Variants in SGCZ observed in about 807,000 individuals in gnomAD.
SGCZ encodes the protein sarcoglycan zeta.
A neutral mutation model predicts 41.3 loss-of-function variants in SGCZ; 40 were observed. That is an observed-to-expected ratio of 0.97 (90% CI 0.75 to 1.26). The LOEUF (loss-of-function observed/expected upper bound fraction) is 1.26, where lower values mean the gene tolerates loss of function less well. Among genes scored for constraint, SGCZ ranks in the 50% most tolerant of loss-of-function variants. The pLI, the probability that SGCZ is intolerant of heterozygous loss-of-function variation, is 0.00. For missense variants in SGCZ, 552 were observed against 369.8 expected (o/e 1.49, Z -4.04); for synonymous variants, 206 against 137.5 (o/e 1.50, Z -3.49).
At chr8:14,353,554 G>C (rs1055801384) in intron 2 of SGCZ, among the ~76,000 whole-genome samples, 2 of 152,022 alleles carry the variant, frequency 1.3e-5, no homozygotes, top group African/African-American at 4.8e-5. Context: ...CGAATGGATA[G>C]GTACTAATGT....
At chr8:14,126,757 GGGTAAAGAAAATGTGGT>G (rs1395290530) in intron 5 of SGCZ, among the ~76,000 whole-genome samples, 4 of 152,206 alleles carry the variant, frequency 2.6e-5, no homozygotes, top group African/African-American at 9.7e-5. Context: ...GTCATCAACT[GGGTAAAGAAAATGTGGT>G]GCATATACAC....
intron 2 of SGCZ, among the ~76,000 whole-genome samples, chr8:14,388,304 T>C (rs1219744813): frequency 2.0e-5 from 3 of 152,012 alleles, no homozygotes; most frequent in Non-Finnish European, 4.4e-5. Flanking sequence ...AATGAAGATA[T>C]AGGTGCTGAG....
At chr8:14,168,300 A>G (rs959641520) in intron 4 of SGCZ, among the ~76,000 whole-genome samples, 2 of 152,138 alleles carry the variant, frequency 1.3e-5, no homozygotes, top group African/African-American at 4.8e-5. Flanking sequence ...GTTTAAAACA[A>G]AACAAAATAA....
chr8:14,568,639 G>A (rs560466718), intron 1 of SGCZ, among the ~76,000 whole-genome samples: 1 of 152,172 alleles, frequency 6.6e-6, no homozygotes, highest in African/African-American at 2.4e-5. Flanking sequence ...CTCTGTAAAT[G>A]ACAAAAGATA....
intron 2 of SGCZ, among the ~76,000 whole-genome samples, chr8:14,460,121 T>C (rs1298585677): frequency 6.6e-6 from 1 of 152,192 alleles, no homozygotes; most frequent in African/African-American, 2.4e-5. Context: ...ACTGCTACCA[T>C]TAGGAGCAGC....
At chr8:15,215,125 AC>A (rs1801358189) in intron 1 of SGCZ, among the ~76,000 whole-genome samples, 1 of 152,240 alleles carries the variant, frequency 6.6e-6, no homozygotes, top group African/African-American at 2.4e-5. Flanking sequence ...GTAAAACAGT[AC>A]AAGAAATTAG....
intron 2 of SGCZ, among the ~76,000 whole-genome samples, chr8:14,488,091 C>T (rs938268696): frequency 2.4e-5 from 2 of 82,974 alleles, no homozygotes; most frequent in African/African-American, 9.2e-5. Context: ...GGTGGCTTCT[C>T]CAGAAAAGTA....
intron 1 of SGCZ, among the ~76,000 whole-genome samples, chr8:14,572,731 C>T (rs1025954626): frequency 6.6e-6 from 1 of 152,122 alleles, no homozygotes; most frequent in Non-Finnish European, 1.5e-5. Flanking sequence ...TAAAGTATCA[C>T]CAACTCTCTT....
chr8:14,311,218 A>C (rs1801530840), intron 3 of SGCZ, among the ~76,000 whole-genome samples: 1 of 152,114 alleles, frequency 6.6e-6, no homozygotes, highest in Admixed American at 6.6e-5. Context: ...TTTCATTTTA[A>C]AATATTGTCA....
At chr8:14,364,251 A>G (rs1803624031) in intron 2 of SGCZ, among the ~76,000 whole-genome samples, 1 of 152,100 alleles carries the variant, frequency 6.6e-6, no homozygotes, top group South Asian at 2.1e-4. Flanking sequence ...AAAAATCTCT[A>G]CCTTATTTTA....
In SGCZ at chr8:15,048,536, A is replaced by G. The variant is rs184930532; in HGVS notation, c.39+189049T>C. ...CATGTTTGAGGAAATGGAAATTCCA[A>G]TTATCCTGACTTGATCATTACACAT... is the stretch of plus-strand genomic sequence containing the variant. On this transcript the variant is annotated intron_variant, in intron 1 of 7. Coordinates refer to ENST00000382080, the MANE Select transcript of SGCZ (RefSeq NM_139167.4). Among the ~76,000 whole-genome samples, 8 of 152,220 alleles carry G rather than the reference A, an allele frequency of 5.3e-5. No individual in the cohort carries two copies. In the East Asian group the frequency reaches 5.8e-4, roughly 11 times the overall value.
At chr8:15,170,654 T>G (rs1799800711) in intron 1 of SGCZ, among the ~76,000 whole-genome samples, 1 of 152,220 alleles carries the variant, frequency 6.6e-6, no homozygotes, top group Non-Finnish European at 1.5e-5. Flanking sequence ...AAACTTTCTA[T>G]GCACGCTCTT....
chr8:14,821,923 T>TCC (rs1418800906), intron 1 of SGCZ, among the ~76,000 whole-genome samples: 1 of 152,114 alleles, frequency 6.6e-6, no homozygotes. Context: ...TGCTAACTTT[T>TCC]CACCACTTCT....
intron 3 of SGCZ, among the ~76,000 whole-genome samples, chr8:14,261,994 C>A (rs966363648): frequency 1.3e-5 from 2 of 152,132 alleles, no homozygotes; most frequent in Non-Finnish European, 2.9e-5. Context: ...ATTTGACCAA[C>A]TCCTACTCTA....
At chr8:14,792,552 T>A (rs555035553) in intron 1 of SGCZ, among the ~76,000 whole-genome samples, 1 of 152,180 alleles carries the variant, frequency 6.6e-6, no homozygotes, top group African/African-American at 2.4e-5. Context: ...TTTAGCATCT[T>A]TCTTTTTTTA....
chr8:14,188,832 TTGTTTGTTTG>T (rs1563175058), intron 4 of SGCZ, among the ~76,000 whole-genome samples: 2 of 37,510 alleles, frequency 5.3e-5, no homozygotes, highest in Non-Finnish European at 1.1e-4. Context: ...TTGTTTTTTT[TTGTTTGTTTG>T]TTTTTTGAGA....
chr8:14,218,517 A>T (rs1423074731), intron 4 of SGCZ, among the ~76,000 whole-genome samples: 4 of 152,236 alleles, frequency 2.6e-5, no homozygotes, highest in Admixed American at 2.6e-4. Flanking sequence ...GCTTAATATC[A>T]GGTTGATGCA....
At chr8:15,231,344 T>C (rs1801931907) in intron 1 of SGCZ, among the ~76,000 whole-genome samples, 1 of 152,172 alleles carries the variant, frequency 6.6e-6, no homozygotes, top group Non-Finnish European at 1.5e-5. Flanking sequence ...TTGTGGCTTA[T>C]CATATTTTTC....
At chr8:14,400,557 A>G (rs1799042240) in intron 2 of SGCZ, among the ~76,000 whole-genome samples, 1 of 152,168 alleles carries the variant, frequency 6.6e-6, no homozygotes, top group Admixed American at 6.6e-5. Flanking sequence ...AAGATTATCT[A>G]TAATGAGATA....
Sources: allele counts gnomAD v4.1 joint callset (sites outside exome capture counted in the v4.1 genomes callset), GRCh38; gene constraint gnomAD v4.1.1; transcripts MANE v1.5; gene names NCBI Gene and HGNC (gene_info 2026-07-23, HGNC 2026-07-21).